The following CBR4 variants were observed in gnomAD, a reference collection of about 807,000 sequenced individuals.
The protein encoded by CBR4 is carbonyl reductase 4.
A neutral mutation model predicts 21.0 loss-of-function variants in CBR4; 22 were observed. The ratio of observed to expected loss-of-function variants is 1.05; its 90% CI spans 0.75 to 1.50. The LOEUF (loss-of-function observed/expected upper bound fraction) is 1.50. Ranked by LOEUF, CBR4 falls within the 40% of genes most tolerant of loss-of-function variation. The pLI is 0.00. For synonymous variants in CBR4, 100 were observed against 104.4 expected (o/e 0.96, Z 0.26); for missense variants, 302 against 286.3 (o/e 1.05, Z -0.40).
chr4:168,980,085 A>ATGAAAAGCCCTCTACCAC (rs1231394820), intron 2 of CBR4, among the ~76,000 whole-genome samples: 2 of 151,992 alleles, frequency 1.3e-5, no homozygotes, highest in African/African-American at 4.8e-5. Context: ...AAAGAGACAC[A>ATGAAAAGCCCTCTACCAC]TGAAAAGCCC....
chr4:168,930,465 T>G (rs1007414592), intron 2 of CBR4, among the ~76,000 whole-genome samples: 1 of 152,198 alleles, frequency 6.6e-6, no homozygotes, highest in Non-Finnish European at 1.5e-5. Flanking sequence ...ATGGATTTAC[T>G]TCTATTGGCA....
At position 169,010,141 on chromosome 4, in the gene CBR4, C is replaced by T. The variant is rs779280581; in HGVS notation, c.-52G>A. ...AGGGTAGGGAGTGGGAGCCCCTCTC[C>T]AGGTTCCCTCAGGCTTTTAAACAAC... On this transcript the variant is annotated 5_prime_UTR_variant, in exon 1 of 5. Transcript: ENST00000306193. 13 of 1,447,484 alleles carry T rather than the reference C, an allele frequency of 9.0e-6. No homozygotes were observed. Among genetic ancestry groups the T allele is most frequent in the Non-Finnish European group, 1.0e-5 (11 of 1,079,802 alleles). The allele number at this position is 1,447,484 out of a possible 1,614,324, so 89.7% of individuals were successfully genotyped here.
chr4:168,919,523 A>T (rs1223885287), intron 2 of CBR4, among the ~76,000 whole-genome samples: 1 of 131,998 alleles, frequency 7.6e-6, no homozygotes, highest in South Asian at 2.3e-4. Context: ...AGACTGTCTT[A>T]AAAAAAAAAA....
At chr4:168,898,797 AAG>A in intron 2 of CBR4, 1 of 857,208 alleles carries the variant, frequency 1.2e-6, no homozygotes, top group South Asian at 1.4e-5. Context: ...CAGTAGGAGA[AAG>A]AGATACAAAT....
Position 168,989,772 on chromosome 4 carries a change from T to C in CBR4, c.*378A>G. The C allele has an allele frequency of 3.0e-6, 3 of 991,612 alleles. No homozygotes were observed. Among genetic ancestry groups the C allele is most frequent in the Non-Finnish European group, 3.6e-6 (3 of 834,268 alleles). 61.4% of individuals were successfully genotyped at this position (991,612 alleles called of 1,614,324 possible). On this transcript the variant is annotated 3_prime_UTR_variant, in exon 5 of 5. Coordinates refer to ENST00000306193, the MANE Select transcript of CBR4 (RefSeq NM_032783.5). ...TGTCTATACACTAAGATTGCTACAG[T>C]CTATGAGGTAACCAAAGGTAAGTGA...
At position 168,921,122 on chromosome 4, in the gene CBR4, T is replaced by C. The variant is rs902818460; in HGVS notation, n.170-26357A>G. ...ATGAGCTGATACTAAAAGCCATCTC[T>C]TGGCCCGGTGCAATGGCTCATGCTT... On this transcript the variant is annotated intron_variant and non_coding_transcript_variant, in intron 2 of 3. Coordinates refer to the CBR4 transcript ENST00000509108. Among the ~76,000 whole-genome samples, 3 of 152,240 alleles carry C rather than the reference T, an allele frequency of 2.0e-5. No individual in the cohort carries two copies. In the East Asian group the frequency reaches 5.8e-4, roughly 29 times the overall value.
intron 2 of CBR4, among the ~76,000 whole-genome samples, chr4:168,929,258 G>T (rs1470069998): frequency 3.3e-5 from 5 of 152,108 alleles, no homozygotes; most frequent in African/African-American, 4.8e-5. Flanking sequence ...ACAACAGACG[G>T]ACAACATATT....
intron 2 of CBR4, among the ~76,000 whole-genome samples, chr4:168,960,113 T>A (rs1158262990): frequency 6.6e-6 from 1 of 152,198 alleles, no homozygotes; most frequent in African/African-American, 2.4e-5. Flanking sequence ...CTACTGTAAA[T>A]GGAATTTAGT....
chr4:168,988,566 C>G lies in CBR4; in HGVS notation c.*1584G>C, dbSNP rs1764774937. On this transcript the variant is annotated 3_prime_UTR_variant, in exon 5 of 5. Coordinates refer to ENST00000306193, the MANE Select transcript of CBR4 (RefSeq NM_032783.5). ...ACTATGTCTGAATAAGCTCCCCTAC[C>G]TTACAAGCATCAACTACTACATTGA... 3 of 985,402 alleles carry G rather than the reference C, an allele frequency of 3.0e-6. No homozygotes were observed. The highest frequency in any genetic ancestry group is 3.6e-6 in the Non-Finnish European group (3 of 829,928). The allele number at this position is 985,402 out of a possible 1,614,324, so 61.0% of individuals were successfully genotyped here.
intron 1 of CBR4, among the ~76,000 whole-genome samples, chr4:169,008,521 C>G (rs1401676268): frequency 6.6e-6 from 1 of 152,160 alleles, no homozygotes; most frequent in African/African-American, 2.4e-5. Context: ...TATGCTTACA[C>G]CAACACTACC....
chr4:168,894,662 G>A, exon 3 of CBR4: 1 of 1,613,518 alleles, frequency 6.2e-7, no homozygotes, highest in Non-Finnish European at 8.5e-7. Context: ...AGCCAGAAGA[G>A]GAAACAGCTA....
At chr4:169,002,522 T>C (rs1304229264) in intron 3 of CBR4, among the ~76,000 whole-genome samples, 5 of 152,178 alleles carry the variant, frequency 3.3e-5, no homozygotes, top group Admixed American at 1.3e-4. Flanking sequence ...TGATGAAAAT[T>C]CTGTGGTATT....
In CBR4 at chr4:168,989,389, A is replaced by T. The variant is rs1293112292; in HGVS notation, c.*761T>A. ...TGAGAATTTCTCAAGAATGAGTCAA[A>T]TGCGCCACATTTAAATTTGCAGATT... is the stretch of plus-strand genomic sequence containing the variant. On this transcript the variant is annotated 3_prime_UTR_variant, in exon 5 of 5. Transcript: ENST00000306193. 5.1e-6 allele frequency: 5 copies of T among 985,318 alleles called. No homozygotes were observed. The allele number at this position is 985,318 out of a possible 1,614,324, so 61.0% of individuals were successfully genotyped here.
rs1439814448 is a variant in CBR4, at chr4:168,974,761, TTTTC to T, written n.169+27306_169+27309del. ...GTTTCATTTCCAGATTATGATTGTC[TTTTC>T]TTTATGATATCTATTTCTCTGGAGA... On this transcript the variant is annotated intron_variant and non_coding_transcript_variant, in intron 2 of 3. Transcript: ENST00000509108. Among the ~76,000 whole-genome samples, 10 of 152,340 alleles carry T rather than the reference TTTTC, an allele frequency of 6.6e-5. 2 individuals carry two copies. Among genetic ancestry groups the T allele is most frequent in the Admixed American group, 4.6e-4 (7 of 15,310 alleles).
In CBR4 at chr4:168,953,259, C is replaced by T. The variant is rs117266945; in HGVS notation, n.169+48812G>A. 7.3e-3 allele frequency among the ~76,000 whole-genome samples: 1,105 copies of T among 151,838 alleles called. 75 individuals carry two copies. The East Asian group carries it at 0.17, about 23-fold the overall frequency. On this transcript the variant is annotated intron_variant and non_coding_transcript_variant, in intron 2 of 3. Coordinates refer to the CBR4 transcript ENST00000509108. ...ACAATCCGAAAGGCCGGTCTTACTC[C>T]CACCGTGCCCCCCCGCAAAAGCACC...
rs1178354433 is a variant in CBR4 at position 169,010,027 on chromosome 4, T to C, written c.63A>G (p.Leu21=). Residue 21 remains leucine, a synonymous_variant, in exon 1 of 5, where the codon TTA becomes TTG. Coordinates refer to ENST00000306193, the MANE Select transcript of CBR4 (RefSeq NM_032783.5). The part of the protein sequence containing the change: ...SRGIGRAVAQ[L]MARKGYRLAV... ...CCAGTCGGTAGCCTTTCCGGGCCAT[T>C]AACTGGGCCACAGCTCTGCCAATGC... 6.2e-7 allele frequency: 1 copy of C among 1,613,610 alleles called. No homozygotes were observed. The highest frequency in any genetic ancestry group is 1.1e-5 in the South Asian group (1 of 91,020).
chr4:168,940,519 G>C (rs889933488), intron 2 of CBR4, among the ~76,000 whole-genome samples: 52 of 152,156 alleles, frequency 3.4e-4, no homozygotes, highest in Non-Finnish European at 2.5e-4. Flanking sequence ...CAGAATAGGA[G>C]AAAATCTTTG....
At chr4:168,926,071 G>A (rs1394607648) in intron 2 of CBR4, 2 of 637,892 alleles carry the variant, frequency 3.1e-6, no homozygotes, top group African/African-American at 1.8e-5. Flanking sequence ...ATGCAAAAGT[G>A]TTCCTAAATT....
chr4:168,986,398 A>C (rs561415577), downstream of CBR4, among the ~76,000 whole-genome samples: 2 of 152,306 alleles, frequency 1.3e-5, no homozygotes, highest in Admixed American at 1.3e-4. Flanking sequence ...AGAATAGGTC[A>C]AATTCCCCTA....
Sources: allele counts gnomAD v4.1 joint callset (sites outside exome capture counted in the v4.1 genomes callset), GRCh38; gene constraint gnomAD v4.1.1; transcripts MANE v1.5; gene names NCBI Gene and HGNC (gene_info 2026-07-23, HGNC 2026-07-21).